Variants in TXNDC9 observed in about 807,000 individuals in gnomAD.
TXNDC9 encodes thioredoxin domain containing 9.
In TXNDC9, 7 loss-of-function variants were observed where a neutral mutation model predicts 23.0. The ratio of observed to expected loss-of-function variants is 0.30; its 90% CI spans 0.17 to 0.57. The LOEUF (loss-of-function observed/expected upper bound fraction) is 0.57, where lower values mean the gene tolerates loss of function less well. Among genes scored for constraint, TXNDC9 ranks in the 20% least tolerant of loss-of-function variants. TXNDC9 has a pLI of 0.90. For synonymous variants in TXNDC9, 72 were observed against 90.6 expected, an observed-to-expected ratio of 0.79 and a Z score of 1.17; for missense variants, 198 against 252.6, an observed-to-expected ratio of 0.78 and a Z score of 1.47.
chr2:99,317,919 C>G (rs1309393675), downstream of TXNDC9, among the ~76,000 whole-genome samples: 1 of 152,210 alleles, frequency 6.6e-6, no homozygotes, highest in Non-Finnish European at 1.5e-5. Flanking sequence ...GAGACAGGGT[C>G]TCACTCCGTC....
At chr2:99,307,574 C>T in the TXNDC9 span, 161 of 114,684 alleles carry the variant, frequency 1.4e-3, 1 homozygote, top group African/African-American at 5.4e-3. Flanking sequence ...TGTGTCTCTG[C>T]TGCATAAGAA....
downstream of TXNDC9, among the ~76,000 whole-genome samples, chr2:99,314,420 A>AT (rs2094183833): frequency 6.6e-6 from 1 of 151,902 alleles, no homozygotes. Context: ...TCAATACAGT[A>AT]TAACAACTAT....
downstream of TXNDC9, among the ~76,000 whole-genome samples, chr2:99,314,528 C>CTTTTTT (rs1559230942): frequency 3.6e-3 from 185 of 51,076 alleles, 5 homozygotes; most frequent in African/African-American, 9.9e-3. Flanking sequence ...AAATACTACA[C>CTTTTTT]CTTTTTTTTT....
the TXNDC9 span, among the ~76,000 whole-genome samples, chr2:99,307,262 A>G: frequency 0.35 from 52,571 of 148,352 alleles, 9,306 homozygotes; most frequent in East Asian, 0.6. Context: ...GGCAAGAAAC[A>G]AATTGGTTAA....
intron 3 of TXNDC9, among the ~76,000 whole-genome samples, chr2:99,325,882 G>A (rs1042396279): frequency 6.6e-6 from 1 of 152,044 alleles, no homozygotes; most frequent in African/African-American, 2.4e-5. Flanking sequence ...GTAGTGGTGG[G>A]TGACTGTAGC....
At chr2:99,334,229 T>C (rs1182116590) in intron 1 of TXNDC9, among the ~76,000 whole-genome samples, 2 of 152,062 alleles carry the variant, frequency 1.3e-5, no homozygotes, top group African/African-American at 2.4e-5. Flanking sequence ...TGTGTGCCTG[T>C]AGTCCCCGCT....
At chr2:99,328,331 G>A (rs1031812402) in intron 2 of TXNDC9, among the ~76,000 whole-genome samples, 3 of 150,676 alleles carry the variant, frequency 2.0e-5, no homozygotes, top group Admixed American at 6.6e-5. Context: ...CAAACTCCTC[G>A]GTTCAAGCAA....
intron 1 of TXNDC9, 92 bp downstream of exon 1, chr2:99,336,147 G>C (rs979363629): frequency 1.0e-6 from 1 of 964,858 alleles, no homozygotes; most frequent in Middle Eastern, 5.3e-4. Context: ...TGCTGGGGCC[G>C]CGCCCCTCCT....
At chr2:99,324,597 G>A (rs2094209326) in intron 3 of TXNDC9, among the ~76,000 whole-genome samples, 3 of 151,406 alleles carry the variant, frequency 2.0e-5, no homozygotes, top group Non-Finnish European at 4.4e-5. Context: ...TTTTTGAGAT[G>A]GAGTCTCGCT....
downstream of TXNDC9, among the ~76,000 whole-genome samples, chr2:99,316,494 T>TC (rs1255730567): frequency 1.3e-5 from 2 of 151,964 alleles, no homozygotes; most frequent in Non-Finnish European, 2.9e-5. Context: ...ACACAATGAG[T>TC]AGTTTTTTTT....
intron 2 of TXNDC9, among the ~76,000 whole-genome samples, chr2:99,328,308 C>G (rs939869312): frequency 6.6e-6 from 1 of 150,898 alleles, no homozygotes; most frequent in Non-Finnish European, 1.5e-5. Context: ...TACTATATCG[C>G]CCAGGCTGGT....
chr2:99,322,723 A>G, intron 3 of TXNDC9: 14 of 1,424,606 alleles, frequency 9.8e-6, no homozygotes, highest in Non-Finnish European at 1.3e-5. Flanking sequence ...TGTGGCCATT[A>G]TGCTTCTAGG....
chr2:99,317,040 G>A (rs1044931427), downstream of TXNDC9, among the ~76,000 whole-genome samples: 21 of 152,308 alleles, frequency 1.4e-4, no homozygotes, highest in African/African-American at 4.1e-4. Flanking sequence ...ACAGGCGTGA[G>A]CTACCGCGCC....
At chr2:99,329,210 TAA>T (rs2094219594) in intron 2 of TXNDC9, among the ~76,000 whole-genome samples, 1 of 152,190 alleles carries the variant, frequency 6.6e-6, no homozygotes, top group Non-Finnish European at 1.5e-5. Context: ...GGATAAAGAT[TAA>T]AGTTTTAATC....
chr2:99,332,514 G>A (rs965764052), intron 2 of TXNDC9, among the ~76,000 whole-genome samples: 1 of 152,144 alleles, frequency 6.6e-6, no homozygotes, highest in African/African-American at 2.4e-5. Context: ...ACAACTCTGC[G>A]TTTATTCTAC....
chr2:99,334,839 G>C (rs1327903905), intron 1 of TXNDC9, among the ~76,000 whole-genome samples: 3 of 152,178 alleles, frequency 2.0e-5, no homozygotes, highest in African/African-American at 4.8e-5. Flanking sequence ...AGCCTCCCGA[G>C]TAGCCGGGAC....
Position 99,322,560 on chromosome 2 carries a change from C to T in TXNDC9, c.309-351G>A, listed in dbSNP as rs140480149. 4 of 1,510,340 alleles carry T rather than the reference C, an allele frequency of 2.6e-6. No individual in the cohort carries two copies. In the African/African-American group the frequency reaches 4.2e-5, roughly 16 times the overall value. 93.6% of individuals were successfully genotyped at this position (1,510,340 alleles called of 1,614,324 possible). On this transcript the variant is annotated intron_variant, in intron 3 of 4. Coordinates refer to ENST00000264255, the MANE Select transcript of TXNDC9 (RefSeq NM_005783.4). ...CTTGACAAAACTCGGAAGAGACTTA[C>T]AAGAATCAGAAGTGCACACATGGTG...
At chr2:99,309,007 A>G in the TXNDC9 span, among the ~76,000 whole-genome samples, 1,256 of 152,260 alleles carry the variant, frequency 8.2e-3, 19 homozygotes, top group African/African-American at 0.028. Flanking sequence ...TGGCCAAAGT[A>G]AAATAAATAT....
intron 1 of TXNDC9, among the ~76,000 whole-genome samples, chr2:99,334,074 G>A (rs2105327374): frequency 6.6e-6 from 1 of 152,292 alleles, no homozygotes; most frequent in East Asian, 1.9e-4. Context: ...TTCTAGGCTG[G>A]GTGCTATGGC....
Sources: gnomAD v4.1 joint callset for allele counts (sites outside exome capture counted in the v4.1 genomes callset) on GRCh38, gnomAD v4.1.1 for gene constraint, MANE v1.5 for transcripts, NCBI Gene and HGNC (gene_info 2026-07-23, HGNC 2026-07-21) for gene names.